JPH3: variants seen among roughly 807,000 people sequenced by gnomAD.
JPH3 encodes junctophilin 3.
JPH3 carries 11 observed loss-of-function variants against 59.6 expected under a neutral mutation model. The ratio of observed to expected loss-of-function variants is 0.18; its 90% CI spans 0.12 to 0.31. The LOEUF (loss-of-function observed/expected upper bound fraction) is 0.31. JPH3 is among the 10% of genes least tolerant of loss of function. The probability of loss-of-function intolerance (pLI) is 1.00; values close to 1 mark genes in which losing one functional copy is unlikely to be tolerated. For synonymous variants in JPH3, 673 were observed against 483.6 expected, an observed-to-expected ratio of 1.39 and a Z score of -5.14; for missense variants, 1,202 against 1,105.7, an observed-to-expected ratio of 1.09 and a Z score of -1.24.
At chr16:87,652,856 C>T (rs9922490) in intron 2 of JPH3, among the ~76,000 whole-genome samples, 1 of 152,174 alleles carries the variant, frequency 6.6e-6, no homozygotes, top group African/African-American at 2.4e-5. Flanking sequence ...TCAGAGGTGA[C>T]AAGTCCTGGG....
chr16:87,670,160 C>T (rs2032977734), intron 2 of JPH3, among the ~76,000 whole-genome samples: 1 of 152,144 alleles, frequency 6.6e-6, no homozygotes, highest in South Asian at 2.1e-4. Context: ...GGGGTCTGCA[C>T]CGGCCGATGT....
intron 1 of JPH3, among the ~76,000 whole-genome samples, chr16:87,605,428 C>T (rs2030483125): frequency 6.6e-6 from 1 of 152,164 alleles, no homozygotes; most frequent in Admixed American, 6.5e-5. Flanking sequence ...GTGTCCTAGG[C>T]TTTGGAAAAA....
chr16:87,665,410 A>T (rs975164431), intron 2 of JPH3, among the ~76,000 whole-genome samples: 1 of 152,124 alleles, frequency 6.6e-6, no homozygotes, highest in African/African-American at 2.4e-5. Flanking sequence ...TGACCTGCTG[A>T]CCCCGGACCC....
rs368399009 is a variant in JPH3, at chr16:87,668,195, G to A, written c.1161-15947G>A. ...CCAGCCGCTCCGGGTCCTCTGGGAA[G>A]CTCTGGCCTCTTCACCAGCCCTGCG... On this transcript the variant is annotated intron_variant, in intron 2 of 4. Coordinates refer to ENST00000284262, the MANE Select transcript of JPH3 (RefSeq NM_020655.4). Among the ~76,000 whole-genome samples, 4 of 152,362 alleles carry A rather than the reference G, an allele frequency of 2.6e-5. No individual in the cohort carries two copies. The East Asian group carries it at 7.7e-4, about 29-fold the overall frequency.
intron 1 of JPH3, among the ~76,000 whole-genome samples, chr16:87,618,604 G>C (rs368130936): frequency 6.6e-6 from 1 of 152,158 alleles, no homozygotes. Context: ...CTGTTTACTC[G>C]TTCCCGCCAG....
chr16:87,625,955 C>T (rs188528139), intron 1 of JPH3, among the ~76,000 whole-genome samples: 36 of 152,332 alleles, frequency 2.4e-4, no homozygotes, highest in Non-Finnish European at 3.5e-4. Context: ...GCACGTTCCA[C>T]GGGACAGGCC....
chr16:87,636,409 G>C lies in JPH3; in HGVS notation c.383-7849G>C, dbSNP rs2031748619. Among the ~76,000 whole-genome samples, 3 of 152,246 alleles carry C rather than the reference G, an allele frequency of 2.0e-5. No individual in the cohort carries two copies. In the South Asian group the frequency reaches 6.2e-4, roughly 32 times the overall value. On this transcript the variant is annotated intron_variant, in intron 1 of 4. Coordinates refer to ENST00000284262, the MANE Select transcript of JPH3 (RefSeq NM_020655.4). Reference sequence around the variant, plus strand: ...AGGGCTGGGGGTGGCCGAGCTGATGGTGCAGGCGTGTGCGCTCAATAGCTC... The same window carrying C: ...AGGGCTGGGGGTGGCCGAGCTGATGCTGCAGGCGTGTGCGCTCAATAGCTC...
At chr16:87,617,399 AG>A (rs1314117183) in intron 1 of JPH3, among the ~76,000 whole-genome samples, 4 of 86,252 alleles carry the variant, frequency 4.6e-5, no homozygotes, top group East Asian at 2.9e-4. Flanking sequence ...GCCAACTCTC[AG>A]GTCCAGGTTT....
At chr16:87,619,581 T>C (rs1037557743) in intron 1 of JPH3, among the ~76,000 whole-genome samples, 2 of 152,160 alleles carry the variant, frequency 1.3e-5, no homozygotes, top group African/African-American at 4.8e-5. Flanking sequence ...AGTCTGCGGC[T>C]TGGAGGGGTC....
chr16:87,663,763 C>A (rs1379658917), intron 2 of JPH3, among the ~76,000 whole-genome samples: 1 of 152,218 alleles, frequency 6.6e-6, no homozygotes, highest in Non-Finnish European at 1.5e-5. Context: ...GGTAAACTTA[C>A]AGCGTTTTCA....
chr16:87,656,432 T>C (rs1300505304), intron 2 of JPH3, among the ~76,000 whole-genome samples: 1 of 152,058 alleles, frequency 6.6e-6, no homozygotes, highest in African/African-American at 2.4e-5. Context: ...CAGCTTCCTG[T>C]GGGAATGGGG....
At chr16:87,604,983 G>A (rs767456880) in intron 1 of JPH3, 1 of 453,088 alleles carries the variant, frequency 2.2e-6, no homozygotes. Context: ...GTGGGCCTGT[G>A]TGTGTGTGTG....
At chr16:87,647,284 C>G (rs933569580) in intron 2 of JPH3, among the ~76,000 whole-genome samples, 7 of 151,908 alleles carry the variant, frequency 4.6e-5, no homozygotes, top group Non-Finnish European at 7.4e-5. Context: ...GGCACGGCTC[C>G]TACTGAGTCC....
chr16:87,628,867 C>T (rs1336984199), intron 1 of JPH3, among the ~76,000 whole-genome samples: 2 of 152,088 alleles, frequency 1.3e-5, no homozygotes, highest in African/African-American at 4.8e-5. Context: ...TCCCAATGTT[C>T]ATTGGGAGTC....
chr16:87,603,369 C>G lies in JPH3; in HGVS notation c.223C>G (p.Leu75Val), dbSNP rs752824061. The G allele has an allele frequency of 1.2e-6, 2 of 1,610,702 alleles. No homozygotes were observed. Among genetic ancestry groups the G allele is most frequent in the South Asian group, 2.2e-5 (2 of 90,778 alleles). Residue 75 changes from leucine to valine, a missense_variant, in exon 1 of 5, where the codon CTG (leucine) becomes GTG (valine). Physicochemically the swap from Leu to Val is conservative, Grantham distance 32. Coordinates refer to ENST00000284262, the MANE Select transcript of JPH3 (RefSeq NM_020655.4). ...WAQGKRHGIG[L>V]ESKGKWVYKG... The stretch of plus-strand genomic sequence containing the variant: ...GCAGGGCAAGCGCCACGGCATCGGC[C>G]TGGAGAGCAAGGGGAAGTGGGTGTA...
Position 87,684,516 on chromosome 16 carries a change from G to A in JPH3, c.1285+250G>A, listed in dbSNP as rs1390590690. Reference sequence around the variant, plus strand: ...ATTCCCACAGTCCTTGGGGCACCGCGTGTTGCTTGCCGGCTGTCCCTGACG... The same window carrying A: ...ATTCCCACAGTCCTTGGGGCACCGCATGTTGCTTGCCGGCTGTCCCTGACG... On this transcript the variant is annotated intron_variant, in intron 3 of 4. Transcript: ENST00000284262. The A allele has an allele frequency of 1.8e-5, 9 of 501,748 alleles. 1 individual carries two copies. The highest frequency in any genetic ancestry group is 7.4e-5 in the South Asian group (3 of 40,474). The allele number at this position is 501,748 out of a possible 1,614,324, so 31.1% of individuals were successfully genotyped here. A position where few individuals can be genotyped will look rare whatever the true frequency, so the allele number is the denominator to read the frequency against.
rs116742216 is a variant in JPH3, at chr16:87,649,930, C to T, written c.1160+4895C>T. Among the ~76,000 whole-genome samples, 512 of 152,316 alleles carry T rather than the reference C, an allele frequency of 3.4e-3. 2 individuals carry two copies. The highest frequency in any genetic ancestry group is 0.012 in the African/African-American group (488 of 41,566). Reference sequence around the variant, plus strand: ...TTTGATGGGATTGTTTCTGCTGGGACCCCCTCTCTGCTGCGTCTCGTGCAA... The same window carrying T: ...TTTGATGGGATTGTTTCTGCTGGGATCCCCTCTCTGCTGCGTCTCGTGCAA... On this transcript the variant is annotated intron_variant, in intron 2 of 4. Coordinates refer to ENST00000284262, the MANE Select transcript of JPH3 (RefSeq NM_020655.4).
At position 87,696,591 on chromosome 16, in the gene JPH3, T is replaced by C. The variant is rs146702066; in HGVS notation, c.2178T>C (p.Pro726=). 1 of 1,613,330 alleles carries C rather than the reference T, an allele frequency of 6.2e-7. No individual in the cohort carries two copies. The highest frequency in any genetic ancestry group is 1.3e-5 in the African/African-American group (1 of 74,936). Residue 726 remains proline (P), a synonymous_variant, in exon 5 of 5, where the codon CCT becomes CCC. Transcript: ENST00000284262. ...DELKSSTGSA[P]ILVVMVILLN... is the part of the protein sequence containing the mutation. The stretch of plus-strand genomic sequence containing the variant: ...TCGCTCTCTTCCAGGGCTCAGCGCC[T>C]ATCCTGGTGGTCATGGTGATCTTGC...
chr16:87,687,685 C>A (rs2033451014), intron 3 of JPH3, among the ~76,000 whole-genome samples: 1 of 152,232 alleles, frequency 6.6e-6, no homozygotes, highest in Admixed American at 6.5e-5. Context: ...CACGAGGCTT[C>A]TAGGAACGTT....
Sources: gnomAD v4.1 joint callset for allele counts (sites outside exome capture counted in the v4.1 genomes callset) on GRCh38, gnomAD v4.1.1 for gene constraint, MANE v1.5 for transcripts, NCBI Gene and HGNC (gene_info 2026-07-23, HGNC 2026-07-21) for gene names.